The following VLDLR variants were observed in gnomAD, a reference collection of about 807,000 sequenced individuals.
VLDLR encodes the protein very low density lipoprotein receptor.
A neutral mutation model predicts 112.7 loss-of-function variants in VLDLR; 81 were observed. The observed-to-expected ratio is 0.72, with a 90% CI of 0.60 to 0.86. The LOEUF is 0.86. Among genes scored for constraint, VLDLR ranks in the 40% least tolerant of loss-of-function variants. The probability of loss-of-function intolerance (pLI) is 0.00; values close to 1 mark genes in which losing one functional copy is unlikely to be tolerated. For synonymous variants in VLDLR, 436 were observed against 384.8 expected, an observed-to-expected ratio of 1.13 and a Z score of -1.56; for missense variants, 1,237 against 1,099.4, an observed-to-expected ratio of 1.13 and a Z score of -1.77.
At position 2,643,276 on chromosome 9, in the gene VLDLR, G is replaced by C. The variant is rs779051723; in HGVS notation, c.565G>C (p.Ala189Pro). The C allele has an allele frequency of 6.2e-7, 1 of 1,613,810 alleles. No individual in the cohort carries two copies. Among genetic ancestry groups the C allele is most frequent in the East Asian group, 2.2e-5 (1 of 44,878 alleles). The change falls in exon 5 of 19, where the codon GCC becomes CCC. Residue 189 changes from alanine (A) to proline (P), a missense_variant. By Grantham distance (27) the Ala-to-Pro change is conservative. Transcript: ENST00000382100. ...CSDGSDELDC[A>P]PPTCGAHEFQ... ...CGATGGCAGTGATGAGCTGGACTGT[G>C]CCCCGCCAACCTGTGGCGCCCATGA...
At chr9:2,649,659 C>T (rs568724211) in intron 14 of VLDLR, among the ~76,000 whole-genome samples, 4 of 152,220 alleles carry the variant, frequency 2.6e-5, no homozygotes, top group East Asian at 1.9e-4. Flanking sequence ...CCTAAAGTGC[C>T]GGAATTACAG....
intron 7 of VLDLR, among the ~76,000 whole-genome samples, chr9:2,644,428 C>A (rs1042010289): frequency 6.6e-5 from 10 of 150,880 alleles, no homozygotes; most frequent in African/African-American, 2.4e-4. Context: ...CTCGGCCTTC[C>A]AAAGTGCTGG....
rs557522869 is a variant in VLDLR, at chr9:2,645,598, C to T, written c.1337C>T (p.Thr446Ile). ...AVGKEPSLIF[T>I]NRRDIRKIGL... ...GGCAAAGAGCCAAGTCTGATCTTCA[C>T]TAATCGAAGAGACATCAGGAAGATT... Residue 446 changes from threonine to isoleucine, a missense_variant, in exon 10 of 19, where the codon ACT becomes ATT. Thr to Ile is a moderately conservative substitution (Grantham distance 89). Transcript: ENST00000382100. The T allele has an allele frequency of 3.7e-6, 6 of 1,614,236 alleles. No homozygotes were observed. In the African/African-American group the frequency reaches 4.0e-5, roughly 11 times the overall value.
intron 1 of VLDLR, among the ~76,000 whole-genome samples, chr9:2,625,769 T>C (rs1817062375): frequency 6.6e-6 from 1 of 152,194 alleles, no homozygotes; most frequent in Non-Finnish European, 1.5e-5. Flanking sequence ...AGTCCAAAAA[T>C]ACTGTCTGCT....
chr9:2,643,912 A>G lies in VLDLR; in HGVS notation c.1019A>G (p.Gln340Arg). The G allele has an allele frequency of 6.2e-7, 1 of 1,614,196 alleles. No homozygotes were observed. The highest frequency in any genetic ancestry group is 1.3e-5 in the African/African-American group (1 of 75,054). Residue 340 changes from glutamine (Q) to arginine (R), a missense_variant, in exon 7 of 19, where the codon CAG becomes CGG. By Grantham distance (43) the Gln-to-Arg change is conservative. Transcript: ENST00000382100. Reference protein sequence around the residue: ...ECIDISKVCNQEQDCRDWSDE... With the variant: ...ECIDISKVCNREQDCRDWSDE... ...ATAGATATCAGCAAAGTATGTAACC[A>G]GGAGCAGGACTGCAGGGACTGGAGT...
intron 1 of VLDLR, among the ~76,000 whole-genome samples, chr9:2,627,135 A>C (rs1273828670): frequency 6.6e-6 from 1 of 152,198 alleles, no homozygotes; most frequent in Non-Finnish European, 1.5e-5. Context: ...GACCGCTTGG[A>C]ATAGAAGCTC....
intron 1 of VLDLR, among the ~76,000 whole-genome samples, chr9:2,633,623 A>T (rs1045023592): frequency 6.6e-6 from 1 of 152,156 alleles, no homozygotes; most frequent in Non-Finnish European, 1.5e-5. Context: ...CTTAAAAAAA[A>T]AATCAGAGGC....
Position 2,655,144 on chromosome 9 carries a change from C to T in VLDLR, c.*1276C>T, listed in dbSNP as rs557321026. 6.6e-6 allele frequency: 1 copy of T among 152,164 alleles called. No individual in the cohort carries two copies. The highest frequency in any genetic ancestry group is 2.4e-5 in the African/African-American group (1 of 41,436). 9.4% of individuals were successfully genotyped at this position (152,164 alleles called of 1,614,324 possible). On this transcript the variant is annotated 3_prime_UTR_variant, in exon 19 of 19. Transcript: ENST00000382100. ...ATGTAAACTAAAGCTTAAAAACCAC[C>T]GTTTTACTGTGACTTCATGAAGAAT...
Position 2,657,485 on chromosome 9 carries a change from TAGG to T in VLDLR, c.*3620_*3622del, listed in dbSNP as rs1818648718. 1 of 152,214 alleles carries T rather than the reference TAGG, an allele frequency of 6.6e-6. No homozygotes were observed. Among genetic ancestry groups the T allele is most frequent in the African/African-American group, 2.4e-5 (1 of 41,446 alleles). The allele number at this position is 152,214 out of a possible 1,614,324, so 9.4% of individuals were successfully genotyped here. The stretch of plus-strand genomic sequence containing the variant: ...TCTGATACATCAAACTCCTAACAAG[TAGG>T]AGCAGCAACTAGCTAAAGAGTAGAA... On this transcript the variant is annotated 3_prime_UTR_variant, in exon 19 of 19. Transcript: ENST00000382100.
Position 2,648,351 on chromosome 9 carries a change from A to C in VLDLR, c.1962+4A>C. On this transcript the variant is annotated splice_donor_region_variant and intron_variant, in intron 13 of 18. Coordinates refer to ENST00000382100, the MANE Select transcript of VLDLR (RefSeq NM_003383.5). The stretch of plus-strand genomic sequence containing the variant: ...TCTTGCACTAACAATATTTGAGGTA[A>C]GATGTGTCTCACATCAAAGTGTGTA... The C allele has an allele frequency of 1.2e-6, 2 of 1,614,180 alleles. No homozygotes were observed. The highest frequency in any genetic ancestry group is 1.7e-6 in the Non-Finnish European group (2 of 1,180,016).
In VLDLR at chr9:2,621,832, T is replaced by C. The variant is rs1458660309; in HGVS notation, c.-358T>C. ...CCGGTGCGGGTGCTCCGCTACCGGC[T>C]CCTCTCCGTTCTGTGCTCTCTTCTG... is the stretch of plus-strand genomic sequence containing the variant. On this transcript the variant is annotated 5_prime_UTR_variant, in exon 1 of 19. Coordinates refer to ENST00000382100, the MANE Select transcript of VLDLR (RefSeq NM_003383.5). 1 of 500,540 alleles carries C rather than the reference T, an allele frequency of 2.0e-6. No individual in the cohort carries two copies. The allele number at this position is 500,540 out of a possible 1,614,324, so 31.0% of individuals were successfully genotyped here. A position where few individuals can be genotyped will look rare whatever the true frequency, so the allele number is the denominator to read the frequency against.
intron 18 of VLDLR, 70 bp downstream of exon 18, chr9:2,653,019 G>A: frequency 1.9e-6 from 3 of 1,590,144 alleles, no homozygotes; most frequent in Middle Eastern, 1.7e-4. Context: ...ACCTGGGTGA[G>A]AGAGAGAGAG....
intron 13 of VLDLR, 114 bp downstream of exon 13, chr9:2,648,461 G>C: frequency 6.4e-7 from 1 of 1,555,968 alleles, no homozygotes; most frequent in Non-Finnish European, 8.8e-7. Flanking sequence ...TTGAGAAACT[G>C]CTTTCACTTA....
intron 1 of VLDLR, among the ~76,000 whole-genome samples, chr9:2,634,089 C>G (rs1008444629): frequency 6.6e-6 from 1 of 152,172 alleles, no homozygotes; most frequent in African/African-American, 2.4e-5. Flanking sequence ...GTGATAGATG[C>G]AGTTTTAAAA....
chr9:2,650,800 G>C (rs764251412), intron 15 of VLDLR, among the ~76,000 whole-genome samples: 1 of 152,184 alleles, frequency 6.6e-6, no homozygotes, highest in Non-Finnish European at 1.5e-5. Flanking sequence ...GTAATTAAAT[G>C]AGGCCTTAAC....
At chr9:2,637,570 C>G (rs536961335) in intron 2 of VLDLR, among the ~76,000 whole-genome samples, 33 of 152,300 alleles carry the variant, frequency 2.2e-4, no homozygotes, top group African/African-American at 7.7e-4. Flanking sequence ...GGCAATTTGT[C>G]TGTCTCTGTT....
At chr9:2,650,601 T>A (rs1586659149) in intron 15 of VLDLR, 85 bp downstream of exon 15, 1 of 1,555,584 alleles carries the variant, frequency 6.4e-7, no homozygotes, top group East Asian at 2.3e-5. Context: ...AAGAATTCTG[T>A]CTTAGCTAAT....
intron 1 of VLDLR, among the ~76,000 whole-genome samples, chr9:2,634,362 G>A (rs186461970): frequency 6.6e-6 from 1 of 152,204 alleles, no homozygotes; most frequent in Admixed American, 6.5e-5. Flanking sequence ...AAGGCCTTCT[G>A]CTGGGACACC....
chr9:2,630,629 A>C (rs1817307595), intron 1 of VLDLR, among the ~76,000 whole-genome samples: 1 of 152,098 alleles, frequency 6.6e-6, no homozygotes, highest in African/African-American at 2.4e-5. Flanking sequence ...CTTGGTATTT[A>C]CTCGAAGGCC....
Sources: allele counts gnomAD v4.1 joint callset (sites outside exome capture counted in the v4.1 genomes callset), GRCh38; gene constraint gnomAD v4.1.1; transcripts MANE v1.5; gene names NCBI Gene and HGNC (gene_info 2026-07-23, HGNC 2026-07-21).